Variants in TSGA10 observed in about 807,000 individuals in gnomAD.
TSGA10 encodes testis-specific gene 10 protein.
Under a neutral mutation model 96.6 loss-of-function variants are expected in TSGA10, and 43 were observed. The observed-to-expected ratio is 0.44, with a 90% confidence interval of 0.35 to 0.57. The LOEUF (loss-of-function observed/expected upper bound fraction) is 0.57. Among genes scored for constraint, TSGA10 ranks in the 20% least tolerant of loss-of-function variants. The probability of loss-of-function intolerance (pLI) is 0.01; values close to 1 mark genes in which losing one functional copy is unlikely to be tolerated. For synonymous variants in TSGA10, 229 were observed against 269.9 expected, an observed-to-expected ratio of 0.85 and a Z score of 1.48; for missense variants, 703 against 834.4, an observed-to-expected ratio of 0.84 and a Z score of 1.94.
intron 16 of TSGA10, among the ~76,000 whole-genome samples, chr2:99,059,868 T>C (rs2104428604): frequency 7.5e-6 from 1 of 134,224 alleles, no homozygotes; most frequent in East Asian, 2.3e-4. Flanking sequence ...GAGCCAAGAC[T>C]GCGCCACTGC....
At chr2:99,113,992 C>T (rs1216144865) in intron 4 of TSGA10, among the ~76,000 whole-genome samples, 1 of 152,066 alleles carries the variant, frequency 6.6e-6, no homozygotes, top group Non-Finnish European at 1.5e-5. Context: ...ATAGCAATAG[C>T]CAATAGTTAA....
At chr2:99,149,762 TAG>T in intron 1 of TSGA10, among the ~76,000 whole-genome samples, 1 of 139,994 alleles carries the variant, frequency 7.1e-6, no homozygotes, top group African/African-American at 2.6e-5. Context: ...TTTTACAGAC[TAG>T]ACATCCTTAA....
intron 16 of TSGA10, among the ~76,000 whole-genome samples, chr2:99,050,787 T>C (rs2083319543): frequency 6.6e-6 from 1 of 152,084 alleles, no homozygotes. Context: ...AAAAGTAAAA[T>C]GGCAGATATA....
At chr2:99,034,602 T>C (rs2081451094) in intron 17 of TSGA10, among the ~76,000 whole-genome samples, 1 of 152,144 alleles carries the variant, frequency 6.6e-6, no homozygotes, top group South Asian at 2.1e-4. Context: ...CATACCCTTG[T>C]CTGTGTTGTT....
chr2:99,003,673 T>C (rs1006104368), intron 20 of TSGA10, among the ~76,000 whole-genome samples: 1 of 152,164 alleles, frequency 6.6e-6, no homozygotes, highest in African/African-American at 2.4e-5. Context: ...CACAACTACA[T>C]GGAAAGTGAA....
chr2:99,050,450 C>A (rs566053387), intron 16 of TSGA10, among the ~76,000 whole-genome samples: 1 of 151,884 alleles, frequency 6.6e-6, no homozygotes, highest in Non-Finnish European at 1.5e-5. Flanking sequence ...GAAAAAAATC[C>A]AAAATCTGAA....
intron 10 of TSGA10, among the ~76,000 whole-genome samples, chr2:99,087,183 G>A (rs1300074466): frequency 2.7e-5 from 4 of 148,534 alleles, no homozygotes; most frequent in South Asian, 2.2e-4. Flanking sequence ...CAGCCTGGGC[G>A]ACAGTGCAAC....
intron 15 of TSGA10, among the ~76,000 whole-genome samples, chr2:99,066,929 T>C (rs151172841): frequency 2.0e-5 from 3 of 152,332 alleles, no homozygotes; most frequent in Non-Finnish European, 4.4e-5. Context: ...CTCTTCTAAC[T>C]GCTCTCTCCA....
At chr2:99,102,816 T>C in intron 10 of TSGA10, 1 of 1,291,742 alleles carries the variant, frequency 7.7e-7, no homozygotes, top group East Asian at 2.3e-5. Context: ...TACCCAGAAC[T>C]GTAAATATAA....
At chr2:99,079,906 AAT>A (rs1223970596) in intron 11 of TSGA10, among the ~76,000 whole-genome samples, 1 of 152,168 alleles carries the variant, frequency 6.6e-6, no homozygotes, top group Non-Finnish European at 1.5e-5. Flanking sequence ...AGTACTGGAG[AAT>A]ACACCATGTC....
chr2:99,020,745 C>A (rs950140294), intron 17 of TSGA10, among the ~76,000 whole-genome samples: 1 of 151,904 alleles, frequency 6.6e-6, no homozygotes, highest in Non-Finnish European at 1.5e-5. Flanking sequence ...CCAGTTTCTA[C>A]TACCAGCTTT....
intron 20 of TSGA10, among the ~76,000 whole-genome samples, chr2:99,014,787 A>G (rs1558725978): frequency 1.3e-5 from 2 of 152,222 alleles, no homozygotes; most frequent in Non-Finnish European, 2.9e-5. Context: ...AATTAGCTCA[A>G]TGAGAAATGA....
chr2:99,051,606 TAAAC>T (rs1291586689), intron 16 of TSGA10, among the ~76,000 whole-genome samples: 1 of 151,990 alleles, frequency 6.6e-6, no homozygotes, highest in Non-Finnish European at 1.5e-5. Flanking sequence ...ATAGAAGACT[TAAAC>T]AACATTATAA....
intron 2 of TSGA10, among the ~76,000 whole-genome samples, chr2:99,121,102 A>G (rs1420263231): frequency 1.3e-5 from 2 of 152,216 alleles, no homozygotes; most frequent in Non-Finnish European, 2.9e-5. Context: ...GTTTGGGAAT[A>G]TAACAAAGCC....
intron 16 of TSGA10, among the ~76,000 whole-genome samples, chr2:99,036,234 T>A (rs1347933219): frequency 6.6e-6 from 1 of 152,116 alleles, no homozygotes; most frequent in East Asian, 1.9e-4. Flanking sequence ...TTGCTCCCAT[T>A]ATAAGTTATT....
chr2:99,105,347 T>A lies in TSGA10; in HGVS notation c.459+12A>T. 6.3e-7 allele frequency: 1 copy of A among 1,581,886 alleles called. No individual in the cohort carries two copies. Among genetic ancestry groups the A allele is most frequent in the Non-Finnish European group, 8.5e-7 (1 of 1,171,602 alleles). Reference sequence around the variant, plus strand: ...ATAGCCAAAAGAGACTTTTCTTTTTTTTTTTTTTTACATTATGAACTGTAC... The same window carrying A: ...ATAGCCAAAAGAGACTTTTCTTTTTATTTTTTTTTACATTATGAACTGTAC... On this transcript the variant is annotated intron_variant, in intron 9 of 20. Transcript: ENST00000393483.
intron 16 of TSGA10, among the ~76,000 whole-genome samples, chr2:99,052,860 G>A (rs2083549771): frequency 6.6e-6 from 1 of 152,086 alleles, no homozygotes; most frequent in African/African-American, 2.4e-5. Flanking sequence ...CCTGAGCTCA[G>A]GAGTTCAGGA....
chr2:99,142,243 G>A (rs1574744333), intron 1 of TSGA10: 2 of 152,274 alleles, frequency 1.3e-5, no homozygotes, highest in South Asian at 4.1e-4. Context: ...TAACTCAAGA[G>A]CTTCTGGATG....
chr2:99,091,320 AAAGCAT>A (rs1163905247), intron 10 of TSGA10, among the ~76,000 whole-genome samples: 1 of 152,170 alleles, frequency 6.6e-6, no homozygotes, highest in African/African-American at 2.4e-5. Flanking sequence ...GAACCTCCTT[AAAGCAT>A]AAATCTCACA....
Sources: gnomAD v4.1 joint callset for allele counts (sites outside exome capture counted in the v4.1 genomes callset) on GRCh38, gnomAD v4.1.1 for gene constraint, MANE v1.5 for transcripts, NCBI Gene and HGNC (gene_info 2026-07-23, HGNC 2026-07-21) for gene names.